The following NF1 variants were observed in gnomAD, a reference collection of about 807,000 sequenced individuals.
NF1 encodes neurofibromin 1.
In NF1, 122 loss-of-function variants were observed where a neutral mutation model predicts 325.7. The ratio of observed to expected loss-of-function variants is 0.37; its 90% CI spans 0.32 to 0.44. The LOEUF (loss-of-function observed/expected upper bound fraction) is 0.44, where lower values mean the gene tolerates loss of function less well. NF1 is among the 20% of genes least tolerant of loss of function. The probability of loss-of-function intolerance (pLI) is 1.00; values close to 1 mark genes in which losing one functional copy is unlikely to be tolerated. For synonymous variants in NF1, 1,091 were observed against 1,186.0 expected, an observed-to-expected ratio of 0.92 and a Z score of 1.65; for missense variants, 2,140 against 3,415.4, an observed-to-expected ratio of 0.63 and a Z score of 9.31.
At chr17:31,340,403 T>G (rs535348990) in intron 46 of NF1, 102 bp from the exon 47 acceptor site, 1 of 1,440,486 alleles carries the variant, frequency 6.9e-7, no homozygotes, top group East Asian at 2.3e-5. Flanking sequence ...AAAACATGGG[T>G]AATTTAGGAA....
At chr17:31,294,963 T>A in intron 36 of NF1, 1 of 1,613,488 alleles carries the variant, frequency 6.2e-7, no homozygotes, top group African/African-American at 1.3e-5. Flanking sequence ...TTCCCAACTG[T>A]ACATCAGGGA....
chr17:31,359,223 A>G (rs907893419), intron 56 of NF1: 46 of 545,344 alleles, frequency 8.4e-5, no homozygotes, highest in Non-Finnish European at 3.3e-6. Flanking sequence ...ACTTTTACAA[A>G]CAAAGTCAAC....
At chr17:31,116,953 A>G (rs368921929) in intron 1 of NF1, among the ~76,000 whole-genome samples, 6 of 150,692 alleles carry the variant, frequency 4.0e-5, no homozygotes, top group African/African-American at 1.5e-4. Context: ...CTAGGGTTAC[A>G]GGCATGAGCC....
At chr17:31,201,760 G>T (rs2066535083) in intron 11 of NF1, among the ~76,000 whole-genome samples, 1 of 152,098 alleles carries the variant, frequency 6.6e-6, no homozygotes, top group African/African-American at 2.4e-5. Flanking sequence ...CAGATCAGAA[G>T]CCCTTGAGAA....
At chr17:31,243,566 A>C (rs1007218342) in intron 29 of NF1, among the ~76,000 whole-genome samples, 9 of 151,842 alleles carry the variant, frequency 5.9e-5, no homozygotes, top group African/African-American at 2.2e-4. Flanking sequence ...TTTCTCAAGC[A>C]GAGGAGTCTT....
rs190948089 is a variant in NF1, at chr17:31,251,567, G to A, written c.4111-1371G>A. ...TAAAGATAAAATGATTCCCAAAGTG[G>A]ATATTCTCGTATGGTGAGAGAATTC... On this transcript the variant is annotated intron_variant, in intron 30 of 57. Transcript: ENST00000358273. 5 of 196,180 alleles carry A rather than the reference G, an allele frequency of 2.5e-5. No individual in the cohort carries two copies. In the East Asian group the frequency reaches 3.2e-4, roughly 13 times the overall value. The allele number at this position is 196,180 out of a possible 1,614,324, so 12.2% of individuals were successfully genotyped here. A position where few individuals can be genotyped will look rare whatever the true frequency, so the allele number is the denominator to read the frequency against.
intron 39 of NF1, chr17:31,331,115 TA>T (rs2069475223): frequency 6.6e-6 from 1 of 152,152 alleles, no homozygotes; most frequent in African/African-American, 2.4e-5. Flanking sequence ...CTGTAATATA[TA>T]AAACTTTTTT....
chr17:31,161,349 C>G (rs1275005679), intron 3 of NF1, among the ~76,000 whole-genome samples: 1 of 152,014 alleles, frequency 6.6e-6, no homozygotes, highest in Non-Finnish European at 1.5e-5. Flanking sequence ...ATGTACTGTC[C>G]CTATGTTTCA....
rs866231407 is a variant in NF1, at chr17:31,095,255, G to C, written c.-55G>C. ...AGCCTCCGCTCCCCGCCCTCTTCCC[G>C]GCCCAGGGCGCCGGCCCACCCTTCC... On this transcript the variant is annotated 5_prime_UTR_variant, in exon 1 of 58. Coordinates refer to ENST00000358273, the MANE Select transcript of NF1 (RefSeq NM_001042492.3). 2 of 1,510,498 alleles carry C rather than the reference G, an allele frequency of 1.3e-6. No individual in the cohort carries two copies. The highest frequency in any genetic ancestry group is 1.2e-5 in the South Asian group (1 of 83,406). The allele number at this position is 1,510,498 out of a possible 1,614,324, so 93.6% of individuals were successfully genotyped here. A position where few individuals can be genotyped will look rare whatever the true frequency, so the allele number is the denominator to read the frequency against.
At chr17:31,172,000 T>A (rs2065934679) in intron 5 of NF1, among the ~76,000 whole-genome samples, 2 of 152,088 alleles carry the variant, frequency 1.3e-5, no homozygotes, top group African/African-American at 2.4e-5. Context: ...TATATTTGTT[T>A]GAGGGGATGA....
intron 1 of NF1, among the ~76,000 whole-genome samples, chr17:31,135,769 C>A (rs988828802): frequency 1.3e-5 from 2 of 151,468 alleles, no homozygotes; most frequent in African/African-American, 4.9e-5. Context: ...GGGACAGCAT[C>A]TTACTGTGTT....
At position 31,120,081 on chromosome 17, in the gene NF1, T is replaced by G. The variant is rs1914297981; in HGVS notation, c.60+24712T>G. ...TTTGTTCTTGTTGCTTAGGATTGTC[T>G]TGGCTCTACGGGCTCTTTTTTGGTT... On this transcript the variant is annotated intron_variant, in intron 1 of 57. Coordinates refer to ENST00000358273, the MANE Select transcript of NF1 (RefSeq NM_001042492.3). 2.6e-5 allele frequency among the ~76,000 whole-genome samples: 4 copies of G among 152,334 alleles called. No individual in the cohort carries two copies. The South Asian group carries it at 8.3e-4, about 32-fold the overall frequency.
chr17:31,182,256 G>T (rs2066151435), intron 7 of NF1, among the ~76,000 whole-genome samples: 1 of 152,202 alleles, frequency 6.6e-6, no homozygotes, highest in African/African-American at 2.4e-5. Flanking sequence ...TTCACAGTGA[G>T]ACTGAATACA....
chr17:31,132,264 A>G (rs1915447332), intron 1 of NF1, among the ~76,000 whole-genome samples: 1 of 151,332 alleles, frequency 6.6e-6, no homozygotes, highest in South Asian at 2.1e-4. Context: ...TTTCTAGGCC[A>G]GACTTGGTGG....
intron 12 of NF1, among the ~76,000 whole-genome samples, chr17:31,210,614 C>T (rs2066713040): frequency 6.6e-6 from 1 of 151,804 alleles, no homozygotes; most frequent in African/African-American, 2.4e-5. Context: ...AACAAAAAAC[C>T]CTCCTGTTTC....
intron 36 of NF1, among the ~76,000 whole-genome samples, chr17:31,313,450 TC>T (rs1349466530): frequency 6.6e-6 from 1 of 152,108 alleles, no homozygotes; most frequent in Non-Finnish European, 1.5e-5. Flanking sequence ...ACTCCTGTAA[TC>T]CCAGCACTTT....
chr17:31,195,441 T>C (rs1033415711), intron 8 of NF1, among the ~76,000 whole-genome samples: 5 of 152,178 alleles, frequency 3.3e-5, no homozygotes, highest in Admixed American at 3.3e-4. Flanking sequence ...GCATACAGTT[T>C]AGTAGCACTA....
intron 36 of NF1, among the ~76,000 whole-genome samples, chr17:31,271,553 A>G (rs1256988908): frequency 6.6e-6 from 1 of 152,074 alleles, no homozygotes; most frequent in Non-Finnish European, 1.5e-5. Flanking sequence ...GGAGTTTGAG[A>G]CCAGCGTGGC....
At chr17:31,307,862 G>T in intron 36 of NF1, 1 of 1,282,598 alleles carries the variant, frequency 7.8e-7, no homozygotes, top group Non-Finnish European at 1.0e-6. Flanking sequence ...CTGTTGGAAG[G>T]TGCAATAAAG....
Sources: allele counts gnomAD v4.1 joint callset (sites outside exome capture counted in the v4.1 genomes callset), GRCh38; gene constraint gnomAD v4.1.1; transcripts MANE v1.5; gene names NCBI Gene and HGNC (gene_info 2026-07-23, HGNC 2026-07-21).